The following ELK1 variants were observed in gnomAD, a reference collection of about 807,000 sequenced individuals.
ELK1 encodes ETS domain-containing protein Elk-1.
For missense variants in ELK1, 254 were observed against 381.5 expected, an observed-to-expected ratio of 0.67 and a Z score of 2.78; for synonymous variants, 163 against 176.3, an observed-to-expected ratio of 0.92 and a Z score of 0.60.
At chrX:47,638,260 T>C (rs1036254890) in intron 4 of ELK1, 78 bp from the exon 5 acceptor site, 2 of 1,125,105 alleles carry the variant, frequency 1.8e-6, no homozygotes, top group African/African-American at 3.6e-5. Flanking sequence ...CACCCAGTGA[T>C]TTCCCCGGGA....
At chrX:47,640,352 G>T (rs1431471419) in intron 3 of ELK1, among the ~76,000 whole-genome samples, 1 of 111,729 alleles carries the variant, frequency 9.0e-6, no homozygotes, top group Non-Finnish European at 1.9e-5. Flanking sequence ...GAGGCACTAG[G>T]GCATTCTGTG....
intron 4 of ELK1, 75 bp downstream of exon 4, chrX:47,638,820 C>T: frequency 2.8e-5 from 31 of 1,090,454 alleles, no homozygotes; most frequent in Non-Finnish European, 3.8e-5. Context: ...TACCAGCCTC[C>T]CTCGTCATCC....
In ELK1 at chrX:47,638,880, T is replaced by C. The variant is rs147907412; in HGVS notation, c.654+15A>G. 1,276 of 1,192,260 alleles carry C rather than the reference T, an allele frequency of 1.1e-3. 8 individuals carry two copies. The African/African-American group carries it at 0.02, about 19-fold the overall frequency. On this transcript the variant is annotated intron_variant, in intron 4 of 6. Transcript: ENST00000376983. ...ACTGCCTCCTCTTACTGAATTTCTATATTCCAGTCCTTACCTGCAGAGGCA... is the reference window on the plus strand; with the variant it reads ...ACTGCCTCCTCTTACTGAATTTCTACATTCCAGTCCTTACCTGCAGAGGCA...
intron 2 of ELK1, among the ~76,000 whole-genome samples, chrX:47,643,040 T>C (rs1418246255): frequency 8.9e-6 from 1 of 112,531 alleles, no homozygotes; most frequent in Non-Finnish European, 1.9e-5. Flanking sequence ...AGATTGCCAG[T>C]GTTTGAATCC....
In ELK1 at chrX:47,639,479, C is replaced by T. The variant is rs988964146; in HGVS notation, c.211-141G>A. The T allele has an allele frequency of 8.0e-5, 44 of 550,057 alleles. No individual in the cohort carries two copies. In the Admixed American group the frequency reaches 9.0e-4, roughly 11 times the overall value. The allele number at this position is 550,057 out of a possible 1,213,427, so 45.3% of individuals were successfully genotyped here. ...CCCACTTGCTCCTCTCCGGCTTTCCCGTCCCTCCTCTGTAAGTTTCTCTCT... is the reference window on the plus strand; with the variant it reads ...CCCACTTGCTCCTCTCCGGCTTTCCTGTCCCTCCTCTGTAAGTTTCTCTCT... On this transcript the variant is annotated intron_variant, in intron 3 of 6. Transcript: ENST00000376983.
At chrX:47,640,151 G>T (rs951903832) in intron 3 of ELK1, among the ~76,000 whole-genome samples, 9 of 111,971 alleles carry the variant, frequency 8.0e-5, no homozygotes, top group Admixed American at 3.8e-4. Flanking sequence ...GGGTCACAGA[G>T]CATGTTTGGG....
At chrX:47,637,257 C>A in intron 5 of ELK1, 143 bp from the exon 6 acceptor site, 5 of 575,616 alleles carry the variant, frequency 8.7e-6, no homozygotes, top group Non-Finnish European at 1.4e-5. Flanking sequence ...AGATGGTAAC[C>A]ATGGAGGCCA....
intron 2 of ELK1, chrX:47,649,273 G>A (rs1008226361): frequency 3.6e-5 from 4 of 111,212 alleles, no homozygotes; most frequent in Non-Finnish European, 7.5e-5. Flanking sequence ...TTGTGGTTAC[G>A]AGTGTGACCA....
chrX:47,638,829 C>G, intron 4 of ELK1, 66 bp downstream of exon 4: 1 of 1,110,753 alleles, frequency 9.0e-7, no homozygotes, highest in Non-Finnish European at 1.2e-6. Flanking sequence ...CCCTCGTCAT[C>G]CGGGGATTAC....
At chrX:47,641,088 TG>T in intron 3 of ELK1, 143 bp downstream of exon 3, 1 of 682,366 alleles carries the variant, frequency 1.5e-6, no homozygotes, top group Non-Finnish European at 2.2e-6. Context: ...GGCCCAATAC[TG>T]GTCTTAGGGT....
intron 2 of ELK1, among the ~76,000 whole-genome samples, chrX:47,644,557 A>G (rs1284007355): frequency 9.0e-6 from 1 of 110,653 alleles, no homozygotes; most frequent in African/African-American, 3.3e-5. Flanking sequence ...TTACTTTTAC[A>G]TGGAGAGTCA....
chrX:47,638,849 C>T, intron 4 of ELK1, 46 bp downstream of exon 4: 1 of 1,159,687 alleles, frequency 8.6e-7, no homozygotes, highest in Non-Finnish European at 1.2e-6. Flanking sequence ...CACATCCCTC[C>T]TCTTTACTGC....
intron 2 of ELK1, among the ~76,000 whole-genome samples, chrX:47,644,490 A>C (rs1354723959): frequency 2.7e-5 from 3 of 110,936 alleles, no homozygotes; most frequent in Non-Finnish European, 5.7e-5. Flanking sequence ...AACATGTACA[A>C]GAGTGCGTCA....
rs1358976443 is a variant in ELK1 at position 47,637,738 on chromosome X, C to T, written c.1086+13G>A. ...CTGGCGCCCACACACCCCACCCCTC[C>T]GCAGGCACTCACCAATGTATGCGTA... is the stretch of plus-strand genomic sequence containing the variant. On this transcript the variant is annotated intron_variant, in intron 5 of 6. Transcript: ENST00000376983. The T allele has an allele frequency of 6.8e-6, 8 of 1,176,556 alleles. No homozygotes were observed. In the African/African-American group the frequency reaches 8.8e-5, roughly 13 times the overall value.
intron 3 of ELK1, 94 bp downstream of exon 3, chrX:47,641,138 G>T: frequency 9.8e-7 from 1 of 1,022,236 alleles, no homozygotes; most frequent in Non-Finnish European, 1.4e-6. Flanking sequence ...TTTTAACATT[G>T]CTTTCAAAGT....
At chrX:47,639,421 G>A (rs1388660725) in intron 3 of ELK1, 83 bp from the exon 4 acceptor site, 5 of 831,080 alleles carry the variant, frequency 6.0e-6, no homozygotes, top group Non-Finnish European at 8.7e-6. Context: ...GAGGGGGGTG[G>A]AGTGGCATTT....
rs749832700 is a variant in ELK1, at chrX:47,638,907, G to A, written c.642C>T (p.Gly214=). 9.3e-5 allele frequency: 112 copies of A among 1,202,108 alleles called. No individual in the cohort carries two copies. The Middle Eastern group carries it at 1.2e-3, about 12-fold the overall frequency. Residue 214 remains glycine (G), a synonymous_variant, in exon 4 of 7, where the codon GGC becomes GGT. Transcript: ENST00000376983. ...LEACLEAEEA[G]LPLQVILTPP... is the part of the protein sequence containing the mutation. ...TTCCAGTCCTTACCTGCAGAGGCAA[G>A]CCGGCCTCTTCAGCCTCCAGACAGG...
Position 47,647,509 on chromosome X carries a change from CCT to C in ELK1, c.-35+2410_-35+2411del, listed in dbSNP as rs774619037. On this transcript the variant is annotated intron_variant, in intron 2 of 6. Coordinates refer to ENST00000376983, the MANE Select transcript of ELK1 (RefSeq NM_001114123.3). ...AGCTCCACAAGCACAAATATTTCGC[CCT>C]GTTTCGTTCCTTGCCATATTCCAGC... Among the ~76,000 whole-genome samples the C allele has an allele frequency of 8.1e-5, 9 of 111,524 alleles. No individual in the cohort carries two copies. The East Asian group carries it at 2.5e-3, about 31-fold the overall frequency.
At chrX:47,641,825 G>A (rs2058029771) in intron 2 of ELK1, among the ~76,000 whole-genome samples, 1 of 112,579 alleles carries the variant, frequency 8.9e-6, no homozygotes, top group Non-Finnish European at 1.9e-5. Flanking sequence ...ATAGCAGAAA[G>A]GAACTTTGCA....
Sources: gnomAD v4.1 joint callset for allele counts (sites outside exome capture counted in the v4.1 genomes callset) on GRCh38, gnomAD v4.1.1 for gene constraint, MANE v1.5 for transcripts, NCBI Gene and HGNC (gene_info 2026-07-23, HGNC 2026-07-21) for gene names.